The following SIRPG variants were observed in gnomAD, a reference collection of about 807,000 sequenced individuals.
SIRPG encodes the protein signal regulatory protein gamma, also known as signal-regulatory protein gamma.
In SIRPG, 38 loss-of-function variants were observed where a neutral mutation model predicts 35.7. That is an observed-to-expected ratio of 1.06 (90% confidence interval 0.82 to 1.40). The LOEUF (loss-of-function observed/expected upper bound fraction) is 1.40. Ranked by LOEUF, SIRPG falls within the 40% of genes most tolerant of loss-of-function variation. The pLI is 0.00. For synonymous variants in SIRPG, 215 were observed against 190.4 expected, an observed-to-expected ratio of 1.13 and a Z score of -1.06; for missense variants, 519 against 483.0, an observed-to-expected ratio of 1.07 and a Z score of -0.70.
chr20:1,662,469 C>T (rs577856804), upstream of SIRPG, among the ~76,000 whole-genome samples: 2 of 152,318 alleles, frequency 1.3e-5, no homozygotes, highest in South Asian at 2.1e-4. Context: ...ATTGTTCTTT[C>T]GCTTGTTCCA....
At chr20:1,636,073 A>T in intron 3 of SIRPG, 115 bp downstream of exon 3, 1 of 1,444,142 alleles carries the variant, frequency 6.9e-7, no homozygotes. Context: ...GCGGGCGGGC[A>T]GTATAGTCAG....
upstream of SIRPG, among the ~76,000 whole-genome samples, chr20:1,661,747 C>T (rs193065384): frequency 2.5e-4 from 38 of 152,322 alleles, 3 homozygotes; most frequent in African/African-American, 8.9e-4. Context: ...AGGAAGTGGA[C>T]ACAGTTGCCA....
the SIRPG span, among the ~76,000 whole-genome samples, chr20:1,673,039 C>T: frequency 6.6e-6 from 1 of 152,168 alleles, no homozygotes; most frequent in African/African-American, 2.4e-5. Flanking sequence ...CTAAAGGGCA[C>T]CTCCAAATTG....
intron 2 of SIRPG, among the ~76,000 whole-genome samples, chr20:1,640,100 A>T (rs1170785872): frequency 6.6e-6 from 1 of 152,046 alleles, no homozygotes; most frequent in Non-Finnish European, 1.5e-5. Context: ...TCTTGGCTAT[A>T]CGGGCTTTTT....
chr20:1,650,533 T>C (rs1277322708), intron 1 of SIRPG, among the ~76,000 whole-genome samples: 1 of 152,028 alleles, frequency 6.6e-6, no homozygotes, highest in Non-Finnish European at 1.5e-5. Context: ...GATGGAATAA[T>C]TAAAATTATT....
At chr20:1,631,779 C>T (rs906500373) in intron 4 of SIRPG, among the ~76,000 whole-genome samples, 3 of 152,176 alleles carry the variant, frequency 2.0e-5, no homozygotes, top group African/African-American at 7.2e-5. Context: ...GGCGTAACCA[C>T]AGGCAGGAAA....
chr20:1,636,931 T>G (rs947326343), intron 2 of SIRPG, among the ~76,000 whole-genome samples: 11 of 152,052 alleles, frequency 7.2e-5, no homozygotes, highest in Admixed American at 6.5e-4. Flanking sequence ...CCATGAGACC[T>G]GCAACCAGGC....
At position 1,636,255 on chromosome 20, in the gene SIRPG, C is replaced by T; in HGVS notation, c.681G>A (p.Glu227=). 3 of 1,614,216 alleles carry T rather than the reference C, an allele frequency of 1.9e-6. No individual in the cohort carries two copies. In the South Asian group the frequency reaches 3.3e-5, roughly 18 times the overall value. The part of the protein sequence containing the change: ...PWDVRSQVIC[E]VAHVTLQGDP... ...CCCCCTGCAAGGTGACATGGGCCAC[C>T]TCGCAGATGACCTGAGAGCGAACGT... The change falls in exon 3 of 6, where the codon GAG becomes GAA. Residue 227 remains glutamate (E), a synonymous_variant. Transcript: ENST00000303415.
chr20:1,662,149 T>C (rs752838220), upstream of SIRPG, among the ~76,000 whole-genome samples: 1 of 152,124 alleles, frequency 6.6e-6, no homozygotes, highest in Non-Finnish European at 1.5e-5. Flanking sequence ...CAAACCACTG[T>C]CCCCAGAATT....
the SIRPG span, among the ~76,000 whole-genome samples, chr20:1,672,770 G>A: frequency 6.7e-6 from 1 of 149,232 alleles, no homozygotes; most frequent in South Asian, 2.1e-4. Flanking sequence ...TTGTTAGCAG[G>A]CCTAATTTGT....
rs774806997 is a variant in SIRPG, at chr20:1,649,308, C to T, written c.174G>A (p.Leu58=). ...ACCACAGGACGGGTCCCACGGGAAG[C>T]AGGGAGGTCACAGTGCAGTGCAGAG... is the stretch of plus-strand genomic sequence containing the variant. ...TATLHCTVTS[L]LPVGPVLWFR... is the part of the protein sequence containing the mutation. Residue 58 remains leucine, a synonymous_variant, in exon 2 of 6, where the codon CTG becomes CTA. Coordinates refer to ENST00000303415, the MANE Select transcript of SIRPG (RefSeq NM_018556.4). The T allele has an allele frequency of 1.9e-6, 3 of 1,614,158 alleles. No homozygotes were observed. Among genetic ancestry groups the T allele is most frequent in the South Asian group, 2.2e-5 (2 of 91,082 alleles).
chr20:1,669,709 A>T, the SIRPG span, among the ~76,000 whole-genome samples: 263 of 152,312 alleles, frequency 1.7e-3, 1 homozygote, highest in Non-Finnish European at 3.0e-3. Flanking sequence ...TTCCTCCTTT[A>T]ATATATATTT....
At chr20:1,668,578 A>G in the SIRPG span, among the ~76,000 whole-genome samples, 1 of 152,188 alleles carries the variant, frequency 6.6e-6, no homozygotes. Context: ...CACCGCACCC[A>G]GCCTTTCACA....
chr20:1,678,782 C>T, the SIRPG span, among the ~76,000 whole-genome samples: 1 of 152,116 alleles, frequency 6.6e-6, no homozygotes, highest in Non-Finnish European at 1.5e-5. Context: ...CATTAAGACA[C>T]ATTATAATCC....
At chr20:1,661,925 G>A (rs972076150), upstream of SIRPG, among the ~76,000 whole-genome samples, 3 of 152,198 alleles carry the variant, frequency 2.0e-5, no homozygotes, top group Admixed American at 2.0e-4. Context: ...GACCAAGAGG[G>A]CTCTGTAGCT....
At chr20:1,659,062 G>A (rs1263437618), upstream of SIRPG, among the ~76,000 whole-genome samples, 1 of 152,126 alleles carries the variant, frequency 6.6e-6, no homozygotes, top group African/African-American at 2.4e-5. Flanking sequence ...GCTATGGTAG[G>A]AATAATATAA....
chr20:1,652,217 G>A (rs560925206), intron 1 of SIRPG, among the ~76,000 whole-genome samples: 6 of 152,242 alleles, frequency 3.9e-5, no homozygotes, highest in African/African-American at 1.4e-4. Context: ...AAAATGACTG[G>A]TTATCTACTA....
chr20:1,663,299 A>G, the SIRPG span, among the ~76,000 whole-genome samples: 3 of 152,214 alleles, frequency 2.0e-5, no homozygotes, highest in African/African-American at 4.8e-5. Flanking sequence ...CAGCCTGGGC[A>G]ACAGAGCGAG....
chr20:1,671,548 T>C, the SIRPG span, among the ~76,000 whole-genome samples: 2 of 152,170 alleles, frequency 1.3e-5, no homozygotes. Context: ...AGGGAGACCC[T>C]AACCCAGCGG....
Sources: gnomAD v4.1 joint callset for allele counts (sites outside exome capture counted in the v4.1 genomes callset) on GRCh38, gnomAD v4.1.1 for gene constraint, MANE v1.5 for transcripts, NCBI Gene and HGNC (gene_info 2026-07-23, HGNC 2026-07-21) for gene names.